Variants in HIVEP3 observed in about 807,000 individuals in gnomAD.
HIVEP3 encodes HIVEP zinc finger 3.
In HIVEP3, 49 loss-of-function variants were observed where a neutral mutation model predicts 152.8. The observed-to-expected ratio is 0.32, with a 90% CI of 0.26 to 0.41. The LOEUF (loss-of-function observed/expected upper bound fraction) is 0.41, where lower values mean the gene tolerates loss of function less well. Ranked by LOEUF, HIVEP3 falls within the 10% of genes least tolerant of loss-of-function variation. HIVEP3 has a pLI of 1.00. For synonymous variants in HIVEP3, 1,269 were observed against 1,289.0 expected (o/e 0.98, Z 0.33); for missense variants, 2,790 against 3,103.3 (o/e 0.90, Z 2.40).
rs751416622 is a variant in HIVEP3 at position 41,582,106 on chromosome 1, C to T, written c.2692G>A (p.Ala898Thr). Reference sequence around the variant, plus strand: ...TTCTTTTTGGGTGGCAGCTTCTCAGCTGGGAGCTGGGCAAGTGTCTGGCTG... The same window carrying T: ...TTCTTTTTGGGTGGCAGCTTCTCAGTTGGGAGCTGGGCAAGTGTCTGGCTG... ...QRSQTLAQLP[A>T]EKLPPKKKRL... The change falls in exon 4 of 9, where the codon GCT becomes ACT. Residue 898 changes from alanine to threonine, a missense_variant. Coordinates refer to ENST00000372583, the MANE Select transcript of HIVEP3 (RefSeq NM_024503.5). This position sits in a 1 kb window ranked among gnomAD's most constrained non-coding sequence, Gnocchi z 4.7. The T allele has an allele frequency of 3.7e-6, 6 of 1,614,168 alleles. No individual in the cohort carries two copies. In the South Asian group the frequency reaches 6.6e-5, roughly 18 times the overall value.
chr1:41,565,553 C>CAG (rs1491066346), intron 5 of HIVEP3, among the ~76,000 whole-genome samples: 37 of 122,956 alleles, frequency 3.0e-4, no homozygotes, highest in Non-Finnish European at 5.7e-4. Context: ...CACACACACA[C>CAG]ACAGAGAGAG....
chr1:41,518,678 C>T (rs558886314), intron 6 of HIVEP3, among the ~76,000 whole-genome samples, 190 bp from the exon 7 acceptor site: 1 of 152,302 alleles, frequency 6.6e-6, no homozygotes, highest in African/African-American at 2.4e-5. Context: ...AGTGTAGCCA[C>T]AGCTGCTGTT....
chr1:41,764,872 G>A (rs1000112308), intron 1 of HIVEP3, among the ~76,000 whole-genome samples: 6 of 152,160 alleles, frequency 3.9e-5, no homozygotes, highest in East Asian at 1.9e-4. Context: ...TCCCTGGCTC[G>A]GCAGCCAGAG....
chr1:41,860,933 C>A (rs1269082473), intron 1 of HIVEP3, among the ~76,000 whole-genome samples: 1 of 152,202 alleles, frequency 6.6e-6, no homozygotes, highest in Admixed American at 6.5e-5. Flanking sequence ...AGAAGAACAT[C>A]TTCCAGGAGG....
chr1:42,029,053 T>C (rs528598944), intron 1 of HIVEP3, among the ~76,000 whole-genome samples: 3 of 152,236 alleles, frequency 2.0e-5, no homozygotes, highest in South Asian at 4.1e-4. Context: ...AAAAACACTA[T>C]GCAGACTGAA....
intron 1 of HIVEP3, among the ~76,000 whole-genome samples, chr1:41,883,728 C>T (rs954325332): frequency 2.0e-5 from 3 of 152,188 alleles, no homozygotes; most frequent in Admixed American, 6.5e-5. Flanking sequence ...GCCTGCTCTT[C>T]TGACAGCTCT....
intron 5 of HIVEP3, among the ~76,000 whole-genome samples, chr1:41,560,103 G>A (rs6672430): frequency 0.023 from 3,579 of 152,314 alleles, 141 homozygotes; most frequent in African/African-American, 0.08. Flanking sequence ...TTTGCCTGAA[G>A]AGGCAATCAG....
intron 2 of HIVEP3, among the ~76,000 whole-genome samples, chr1:41,649,481 C>T (rs1458125477): frequency 2.0e-5 from 3 of 152,194 alleles, no homozygotes; most frequent in African/African-American, 4.8e-5. Context: ...GTTAAATACA[C>T]GAATCCTTGA....
In HIVEP3 at chr1:41,538,104, G is replaced by A. The variant is rs80013752; in HGVS notation, c.5208-13194C>T. Among the ~76,000 whole-genome samples, 362 of 152,354 alleles carry A rather than the reference G, an allele frequency of 2.4e-3. 8 individuals carry two copies. In the South Asian group the frequency reaches 0.036, roughly 15 times the overall value. ...GAGCAAAGTGCTACGGATGATGAGA[G>A]GAGGAACCAGTGGGGGTGGGTGTCA... On this transcript the variant is annotated intron_variant, in intron 5 of 8. Transcript: ENST00000372583.
chr1:41,578,574 A>AG (rs1644357789), intron 4 of HIVEP3, among the ~76,000 whole-genome samples: 1 of 152,262 alleles, frequency 6.6e-6, no homozygotes, highest in Admixed American at 6.5e-5. Context: ...AATTTGGTTT[A>AG]GGGAATTTAG....
At chr1:41,680,124 G>C (rs962985407) in intron 2 of HIVEP3, among the ~76,000 whole-genome samples, 10 of 152,272 alleles carry the variant, frequency 6.6e-5, no homozygotes, top group African/African-American at 2.4e-4. Context: ...GGCACACACT[G>C]GTCCCTGGGA....
At chr1:41,667,737 C>T (rs1645817510) in intron 2 of HIVEP3, among the ~76,000 whole-genome samples, 1 of 152,040 alleles carries the variant, frequency 6.6e-6, no homozygotes, top group Non-Finnish European at 1.5e-5. Context: ...TTCACAGCTG[C>T]TAAATTGGGA....
chr1:41,643,454 T>C (rs1179389816), intron 2 of HIVEP3, among the ~76,000 whole-genome samples: 1 of 152,250 alleles, frequency 6.6e-6, no homozygotes, highest in Non-Finnish European at 1.5e-5. Context: ...GAAAGCATGC[T>C]GAACAGACGA....
intron 1 of HIVEP3, among the ~76,000 whole-genome samples, chr1:41,701,678 A>G (rs551952218): frequency 6.6e-6 from 1 of 152,386 alleles, no homozygotes; most frequent in South Asian, 2.1e-4. Context: ...TATACCTATT[A>G]TCTTCTCATT....
At chr1:41,730,865 A>G (rs1390127548) in intron 1 of HIVEP3, among the ~76,000 whole-genome samples, 1 of 152,192 alleles carries the variant, frequency 6.6e-6, no homozygotes, top group Non-Finnish European at 1.5e-5. Flanking sequence ...GGTCCTATTC[A>G]GGGGATCTAA....
chr1:41,934,792 A>G (rs1476859917), intron 1 of HIVEP3, among the ~76,000 whole-genome samples: 1 of 152,216 alleles, frequency 6.6e-6, no homozygotes, highest in African/African-American at 2.4e-5. Context: ...CAGAATCTGT[A>G]TAAACTATCA....
intron 2 of HIVEP3, among the ~76,000 whole-genome samples, chr1:41,682,857 C>G (rs571086928): frequency 6.6e-6 from 1 of 152,198 alleles, no homozygotes; most frequent in Non-Finnish European, 1.5e-5. Flanking sequence ...CTGGTGCTCA[C>G]GGAGCCGTAC....
chr1:41,917,580 G>A (rs770992207), intron 1 of HIVEP3, among the ~76,000 whole-genome samples: 1 of 152,162 alleles, frequency 6.6e-6, no homozygotes, highest in Non-Finnish European at 1.5e-5. Context: ...AACCAATGCC[G>A]AGCCTCCAAG....
At chr1:41,527,300 CCCTCACA>C (rs1643008468) in intron 5 of HIVEP3, among the ~76,000 whole-genome samples, 1 of 105,236 alleles carries the variant, frequency 9.5e-6, no homozygotes. Flanking sequence ...CACCCTCACA[CCCTCACA>C]CTTCACACCC....
Sources: gnomAD v4.1 joint callset for allele counts (sites outside exome capture counted in the v4.1 genomes callset) on GRCh38, gnomAD v4.1.1 for gene constraint, Gnocchi (gnomAD v3.1) non-coding constraint, MANE v1.5 for transcripts, NCBI Gene and HGNC (gene_info 2026-07-23, HGNC 2026-07-21) for gene names.